GBE1: variants seen among roughly 807,000 people sequenced by gnomAD.
The protein encoded by GBE1 is 1,4-alpha-glucan branching enzyme 1, also known as 1,4-alpha-glucan-branching enzyme.
In GBE1, 70 loss-of-function variants were observed where a neutral mutation model predicts 88.8. That is an observed-to-expected ratio of 0.79 (90% confidence interval 0.65 to 0.96). The LOEUF (loss-of-function observed/expected upper bound fraction) is 0.96, where lower values mean the gene tolerates loss of function less well. Ranked by LOEUF, GBE1 falls within the 40% of genes least tolerant of loss-of-function variation. The pLI, the probability that GBE1 is intolerant of heterozygous loss-of-function variation, is 0.00. For missense variants in GBE1, 872 were observed against 871.0 expected (o/e 1.00, Z -0.01); for synonymous variants, 284 against 300.1 (o/e 0.95, Z 0.56).
intron 7 of GBE1, chr3:81,612,728 T>C: frequency 4.2e-6 from 2 of 471,346 alleles, no homozygotes; most frequent in Non-Finnish European, 8.3e-6. Flanking sequence ...ACTGTTCTTC[T>C]TGTCCCTTTT....
In GBE1 at chr3:81,640,345, T is replaced by A. The variant is rs142130244; in HGVS notation, c.992+2436A>T. ...AGCAGGCAGAGGAATGTGGAAAAAC[T>A]AGACTAGCTTAGTCTTCCAGCCTCC... On this transcript the variant is annotated intron_variant, in intron 7 of 15. Transcript: ENST00000429644. 4.0e-4 allele frequency among the ~76,000 whole-genome samples: 61 copies of A among 152,140 alleles called. 1 individual carries two copies. Among genetic ancestry groups the A allele is most frequent in the Middle Eastern group, 6.8e-3 (2 of 294 alleles).
chr3:81,568,479 T>C (rs975962758), intron 12 of GBE1, among the ~76,000 whole-genome samples: 1 of 152,176 alleles, frequency 6.6e-6, no homozygotes, highest in African/African-American at 2.4e-5. Context: ...GTTTTTTATT[T>C]GTTTTGTTTT....
chr3:81,500,988 A>G (rs2106812701), intron 14 of GBE1, among the ~76,000 whole-genome samples: 1 of 152,232 alleles, frequency 6.6e-6, no homozygotes, highest in South Asian at 2.1e-4. Flanking sequence ...GAGTATGGAA[A>G]AACTACCCAT....
chr3:81,502,974 C>T (rs1400549531), intron 14 of GBE1, among the ~76,000 whole-genome samples: 1 of 152,224 alleles, frequency 6.6e-6, no homozygotes, highest in Non-Finnish European at 1.5e-5. Flanking sequence ...ATAGCTACCT[C>T]CCTATGCCTA....
intron 1 of GBE1, among the ~76,000 whole-genome samples, chr3:81,759,053 G>A (rs1475968618): frequency 6.6e-6 from 1 of 152,208 alleles, no homozygotes; most frequent in Non-Finnish European, 1.5e-5. Context: ...TGTGAGACAT[G>A]ACTTTCACCT....
rs570533850 is a variant in GBE1, at chr3:81,680,652, G to T, written c.314-9699C>A. On this transcript the variant is annotated intron_variant, in intron 2 of 15. Transcript: ENST00000429644. The stretch of plus-strand genomic sequence containing the variant: ...CTCTTTTTACCTAGTATTATGGACT[G>T]AAAGTTTGTATGCCCCCCAAATTCA... Among the ~76,000 whole-genome samples the T allele has an allele frequency of 2.0e-5, 3 of 152,250 alleles. No individual in the cohort carries two copies. In the South Asian group the frequency reaches 6.2e-4, roughly 32 times the overall value.
At chr3:81,522,651 A>T (rs923148768) in intron 14 of GBE1, among the ~76,000 whole-genome samples, 1 of 151,688 alleles carries the variant, frequency 6.6e-6, no homozygotes, top group Non-Finnish European at 1.5e-5. Flanking sequence ...GAGAATTATT[A>T]AAATGCAAAT....
At chr3:81,605,313 C>CAT (rs767221583) in intron 7 of GBE1, among the ~76,000 whole-genome samples, 46 of 152,094 alleles carry the variant, frequency 3.0e-4, no homozygotes, top group Non-Finnish European at 5.7e-4. Flanking sequence ...AAAACTTTTA[C>CAT]ATATATATAA....
intron 1 of GBE1, among the ~76,000 whole-genome samples, chr3:81,707,724 TGA>T (rs1705798752): frequency 6.6e-6 from 1 of 152,098 alleles, no homozygotes; most frequent in African/African-American, 2.4e-5. Context: ...TAATCTTAGA[TGA>T]GCATTTAAGA....
chr3:81,644,150 T>C (rs1704733003), intron 6 of GBE1, among the ~76,000 whole-genome samples: 1 of 152,150 alleles, frequency 6.6e-6, no homozygotes, highest in African/African-American at 2.4e-5. Context: ...TTCTATGTTC[T>C]GGAGATACAC....
At chr3:81,725,483 C>A (rs1706096432) in intron 1 of GBE1, among the ~76,000 whole-genome samples, 1 of 152,104 alleles carries the variant, frequency 6.6e-6, no homozygotes, top group Non-Finnish European at 1.5e-5. Context: ...GGAATCCCTC[C>A]TGAAGAGCCT....
Position 81,761,449 on chromosome 3 carries a change from A to G in GBE1, c.69T>C (p.Ala23=), listed in dbSNP as rs747023890. 2 of 1,613,624 alleles carry G rather than the reference A, an allele frequency of 1.2e-6. No homozygotes were observed. The highest frequency in any genetic ancestry group is 1.7e-6 in the Non-Finnish European group (2 of 1,179,708). The change falls in exon 1 of 16, where the codon GCT becomes GCC. Residue 23 remains alanine (A), a synonymous_variant. Coordinates refer to ENST00000429644, the MANE Select transcript of GBE1 (RefSeq NM_000158.4). ...GGAGTCTGGCCAGTTCGGGCACGTC[A>G]GCCAGGGCGGCATTGAGCGCCGCCT... ...DYEAALNAAL[A]DVPELARLLE...
chr3:81,728,330 A>G (rs1196189094), intron 1 of GBE1, among the ~76,000 whole-genome samples: 1 of 152,212 alleles, frequency 6.6e-6, no homozygotes, highest in Non-Finnish European at 1.5e-5. Flanking sequence ...ACTCCTATAG[A>G]AAGGCATAAG....
At chr3:81,649,157 C>G (rs1156649747) in intron 4 of GBE1, among the ~76,000 whole-genome samples, 166 bp from the exon 5 acceptor site, 1 of 152,046 alleles carries the variant, frequency 6.6e-6, no homozygotes, top group Non-Finnish European at 1.5e-5. Context: ...AGGAAAAAGT[C>G]CTTATGGTCC....
intron 10 of GBE1, among the ~76,000 whole-genome samples, chr3:81,582,291 G>A (rs547125661): frequency 3.3e-5 from 5 of 152,210 alleles, no homozygotes; most frequent in Non-Finnish European, 5.9e-5. Context: ...GCAGGCATGA[G>A]TGTCAAAATA....
intron 3 of GBE1, among the ~76,000 whole-genome samples, chr3:81,667,424 G>A (rs1705127168): frequency 6.6e-6 from 1 of 152,038 alleles, no homozygotes; most frequent in African/African-American, 2.4e-5. Context: ...CTTCCTTTTT[G>A]AATACCCTTT....
chr3:81,720,779 T>C (rs1706016426), intron 1 of GBE1, among the ~76,000 whole-genome samples: 1 of 151,216 alleles, frequency 6.6e-6, no homozygotes, highest in South Asian at 2.1e-4. Context: ...CTATTCACAA[T>C]AGCAAAGACT....
intron 7 of GBE1, among the ~76,000 whole-genome samples, chr3:81,629,260 T>C (rs1315130049): frequency 1.4e-5 from 2 of 141,568 alleles, no homozygotes; most frequent in Non-Finnish European, 3.0e-5. Flanking sequence ...TTCCCACCTA[T>C]GAGTGAGAAT....
intron 8 of GBE1, among the ~76,000 whole-genome samples, chr3:81,593,536 T>G (rs2106956333): frequency 6.6e-6 from 1 of 152,038 alleles, no homozygotes; most frequent in Non-Finnish European, 1.5e-5. Flanking sequence ...AAATCTGCAA[T>G]TAAAATACAT....
Sources: allele counts gnomAD v4.1 joint callset (sites outside exome capture counted in the v4.1 genomes callset), GRCh38; gene constraint gnomAD v4.1.1; transcripts MANE v1.5; gene names NCBI Gene and HGNC (gene_info 2026-07-23, HGNC 2026-07-21).